RAP1GAP: variants seen among roughly 807,000 people sequenced by gnomAD.
RAP1GAP encodes the protein rap1 GTPase-activating protein 1.
Under a neutral mutation model 87.2 loss-of-function variants are expected in RAP1GAP, and 35 were observed. The observed-to-expected ratio is 0.40, with a 90% CI of 0.31 to 0.53. The LOEUF (loss-of-function observed/expected upper bound fraction) is 0.53. Among genes scored for constraint, RAP1GAP ranks in the 20% least tolerant of loss-of-function variants. The pLI is 0.48. For synonymous variants in RAP1GAP, 375 were observed against 363.9 expected, an observed-to-expected ratio of 1.03 and a Z score of -0.35; for missense variants, 734 against 898.9, an observed-to-expected ratio of 0.82 and a Z score of 2.35.
At chr1:21,661,397 C>T (rs1029828679) in intron 1 of RAP1GAP, among the ~76,000 whole-genome samples, 3 of 152,188 alleles carry the variant, frequency 2.0e-5, no homozygotes, top group African/African-American at 7.2e-5. Context: ...GTGAGCACTC[C>T]ATAAATGTTC....
chr1:21,606,271 G>A, intron 17 of RAP1GAP, 74 bp from the exon 18 acceptor site: 15 of 1,524,978 alleles, frequency 9.8e-6, no homozygotes, highest in Non-Finnish European at 1.3e-5. Flanking sequence ...CAGGAGCCCA[G>A]GCATCTGGTC....
chr1:21,599,412 G>A (rs540244150), intron 21 of RAP1GAP, 82 bp downstream of exon 21: 174 of 1,519,102 alleles, frequency 1.1e-4, no homozygotes, highest in Middle Eastern at 5.3e-4. Flanking sequence ...CCAGGCTCGT[G>A]GTTCTACTCA....
At chr1:21,614,185 C>T (rs541041707) in intron 7 of RAP1GAP, 96 bp from the exon 8 acceptor site, 1 of 778,996 alleles carries the variant, frequency 1.3e-6, no homozygotes, top group African/African-American at 1.7e-5. Flanking sequence ...AGATGCAGGT[C>T]CTTCGCCGAT....
At position 21,601,695 on chromosome 1, in the gene RAP1GAP, C is replaced by T. The variant is rs762222825; in HGVS notation, c.1641G>A (p.Thr547=). 2.4e-5 allele frequency: 39 copies of T among 1,606,804 alleles called. No homozygotes were observed. The highest frequency in any genetic ancestry group is 1.7e-4 in the Middle Eastern group (1 of 6,050). Residue 547 remains threonine (T), a synonymous_variant, in exon 20 of 25, where the codon ACG becomes ACA. Transcript: ENST00000374765. ...SSTQSSPEMP[T]TKNRAETAAQ... is the part of the protein sequence containing the mutation. Reference sequence around the variant, plus strand: ...CCCTGAGCCCCAACCTGTTCTTGGTCGTGGGCATCTCTGGGGAGCTCTGAG... The same window carrying T: ...CCCTGAGCCCCAACCTGTTCTTGGTTGTGGGCATCTCTGGGGAGCTCTGAG...
rs2149182488 is a variant in RAP1GAP, at chr1:21,608,365, C to T, written c.1159-15G>A. ...CGCGTCCGCTCCTGTGGGCCAGGCCCGGGCCGTCAGGAGGGACCCCAAGGA... is the reference window on the plus strand; with the variant it reads ...CGCGTCCGCTCCTGTGGGCCAGGCCTGGGCCGTCAGGAGGGACCCCAAGGA... On this transcript the variant is annotated splice_polypyrimidine_tract_variant and intron_variant, in intron 16 of 24. Coordinates refer to ENST00000374765, the MANE Select transcript of RAP1GAP (RefSeq NM_002885.4). 6.2e-7 allele frequency: 1 copy of T among 1,610,088 alleles called. No individual in the cohort carries two copies. The highest frequency in any genetic ancestry group is 8.5e-7 in the Non-Finnish European group (1 of 1,178,358).
chr1:21,613,329 C>T lies in RAP1GAP; in HGVS notation c.475-100G>A. 1 of 1,112,404 alleles carries T rather than the reference C, an allele frequency of 9.0e-7. No individual in the cohort carries two copies. The highest frequency in any genetic ancestry group is 1.4e-6 in the Non-Finnish European group (1 of 729,216). 68.9% of individuals were successfully genotyped at this position (1,112,404 alleles called of 1,614,324 possible). A position where few individuals can be genotyped will look rare whatever the true frequency, so the allele number is the denominator to read the frequency against. On this transcript the variant is annotated intron_variant, in intron 9 of 24. Coordinates refer to ENST00000374765, the MANE Select transcript of RAP1GAP (RefSeq NM_002885.4). The surrounding 1 kb of genome is among the most constrained non-coding windows in gnomAD (Gnocchi z 4.7). ...GGTCAAGGTCTGGGGAGGAGCCATG[C>T]TGGGAATGGCCAAGGCTAAAGCAGG...
rs1313737268 is a variant in RAP1GAP, at chr1:21,613,843, G to A, written c.396-137C>T. ...GTGATGATGGGTGTCAGGCTGACTC[G>A]GGTACTAACTTGCTGTGCAACCTCA... On this transcript the variant is annotated intron_variant, in intron 8 of 24. Transcript: ENST00000374765. The surrounding 1 kb of genome is among the most constrained non-coding windows in gnomAD (Gnocchi z 4.7). 7.1e-6 allele frequency: 8 copies of A among 1,131,382 alleles called. No individual in the cohort carries two copies. Among genetic ancestry groups the A allele is most frequent in the African/African-American group, 1.5e-5 (1 of 65,296 alleles). 70.1% of individuals were successfully genotyped at this position (1,131,382 alleles called of 1,614,324 possible). A position where few individuals can be genotyped will look rare whatever the true frequency, so the allele number is the denominator to read the frequency against.
chr1:21,614,453 G>A (rs1003846689), intron 7 of RAP1GAP, among the ~76,000 whole-genome samples: 13 of 152,190 alleles, frequency 8.5e-5, no homozygotes, highest in Non-Finnish European at 1.8e-4. Context: ...GACCATATTC[G>A]GACCTGCATG....
chr1:21,665,538 C>T (rs2097313510), intron 1 of RAP1GAP, among the ~76,000 whole-genome samples: 1 of 152,166 alleles, frequency 6.6e-6, no homozygotes, highest in Non-Finnish European at 1.5e-5. Flanking sequence ...TGTTTTGCTT[C>T]CTTTCTTGCA....
At chr1:21,651,799 G>T in intron 1 of RAP1GAP, 1 of 1,351,970 alleles carries the variant, frequency 7.4e-7, no homozygotes, top group Non-Finnish European at 9.5e-7. Flanking sequence ...CCCCGAAGGT[G>T]AAGCTGCGCT....
chr1:21,638,714 G>T (rs1013247493), intron 2 of RAP1GAP, among the ~76,000 whole-genome samples: 6 of 152,224 alleles, frequency 3.9e-5, no homozygotes, highest in Non-Finnish European at 8.8e-5. Context: ...TGAACACTTA[G>T]TATTTGTGTA....
intron 13 of RAP1GAP, among the ~76,000 whole-genome samples, chr1:21,610,725 TCTC>T (rs2077698119): frequency 6.6e-6 from 1 of 152,122 alleles, no homozygotes; most frequent in African/African-American, 2.4e-5. Flanking sequence ...TCTCAGCCCT[TCTC>T]CTATCTCAAT....
At chr1:21,640,773 C>T (rs2095446271) in intron 2 of RAP1GAP, among the ~76,000 whole-genome samples, 1 of 152,186 alleles carries the variant, frequency 6.6e-6, no homozygotes, top group South Asian at 2.1e-4. Flanking sequence ...AGCTCCACCC[C>T]TGCCTGCTCC....
At chr1:21,651,832 G>A (rs1189044275) in intron 1 of RAP1GAP, 1 of 1,200,782 alleles carries the variant, frequency 8.3e-7, no homozygotes, top group Non-Finnish European at 1.0e-6. Flanking sequence ...TGGTGCCGCC[G>A]CCGCCGCCCG....
At chr1:21,623,724 A>G (rs1383688090) in intron 3 of RAP1GAP, among the ~76,000 whole-genome samples, 1 of 152,236 alleles carries the variant, frequency 6.6e-6, no homozygotes, top group African/African-American at 2.4e-5. Flanking sequence ...GGTTTTAATA[A>G]TTAACAACAG....
In RAP1GAP at chr1:21,598,480, G is replaced by A; in HGVS notation, c.1799C>T (p.Thr600Ile). 1 of 1,613,778 alleles carries A rather than the reference G, an allele frequency of 6.2e-7. No individual in the cohort carries two copies. Among genetic ancestry groups the A allele is most frequent in the Non-Finnish European group, 8.5e-7 (1 of 1,179,756 alleles). Residue 600 changes from threonine to isoleucine, a missense_variant, in exon 22 of 25, where the codon ACA (threonine) becomes ATA (isoleucine). Physicochemically the swap from Thr to Ile is moderately conservative, Grantham distance 89. This residue lies in a region of RAP1GAP where 249 missense variants were observed against 252.7 expected (regional missense o/e 0.99). Transcript: ENST00000374765. ...TGLESVSSSG[T>I]PHKRDSFIYS... The stretch of plus-strand genomic sequence containing the variant: ...GATGAAGGAGTCCCGCTTGTGGGGT[G>A]TTCCTGAGGATGACACGCTCTCCTG...
rs371386567 is a variant in RAP1GAP, at chr1:21,609,602, G to T, written c.1044C>A (p.Pro348=). The T allele has an allele frequency of 1.9e-6, 3 of 1,580,580 alleles. No homozygotes were observed. The highest frequency in any genetic ancestry group is 2.6e-6 in the Non-Finnish European group (3 of 1,163,704). Residue 348 remains proline (P), a synonymous_variant, in exon 15 of 25, where the codon CCC becomes CCA. Transcript: ENST00000374765. This position sits in a 1 kb window ranked among gnomAD's most constrained non-coding sequence, Gnocchi z 4.4. Reference sequence around the variant, plus strand: ...TCCTGAACACAGCGGGGTCCGGGAGGGGGGGTCCAAAGAAGGGCACATCAT... The same window carrying T: ...TCCTGAACACAGCGGGGTCCGGGAGTGGGGGTCCAAAGAAGGGCACATCAT... ...ARDDVPFFGP[P]LPDPAVFRKG... is the part of the protein sequence containing the mutation.
chr1:21,651,267 G>A, intron 1 of RAP1GAP: 1 of 378,628 alleles, frequency 2.6e-6, no homozygotes, highest in Non-Finnish European at 5.4e-6. Context: ...GGGTGGGCAG[G>A]ACCTGCTAAG....
In RAP1GAP at chr1:21,610,196, A is replaced by G. The variant is rs1195749257; in HGVS notation, c.923T>C (p.Met308Thr). The G allele has an allele frequency of 6.2e-7, 1 of 1,614,166 alleles. No homozygotes were observed. Among genetic ancestry groups the G allele is most frequent in the Non-Finnish European group, 8.5e-7 (1 of 1,180,020 alleles). ...QDENTPFVPD[M>T]IASNFLHAYV... ...GGCATGCAGGAAGTTGGACGCGATC[A>G]TGTCGGGCACGAAAGGAGTGTTCTC... The change falls in exon 14 of 25, where the codon ATG (methionine) becomes ACG (threonine). Residue 308 changes from methionine to threonine, a missense_variant. Met to Thr is a moderately conservative substitution (Grantham distance 81). Transcript: ENST00000374765.
Sources: allele counts gnomAD v4.1 joint callset (sites outside exome capture counted in the v4.1 genomes callset), GRCh38; gene constraint gnomAD v4.1.1; regional missense constraint gnomAD v4.1.1; non-coding constraint Gnocchi (gnomAD v3.1); transcripts MANE v1.5; gene names NCBI Gene and HGNC (gene_info 2026-07-23, HGNC 2026-07-21).